Variants in CACNA1C observed in about 807,000 individuals in gnomAD.
The protein encoded by CACNA1C is voltage-dependent L-type calcium channel subunit alpha-1C.
A neutral mutation model predicts 229.0 loss-of-function variants in CACNA1C; 30 were observed. The ratio of observed to expected loss-of-function variants is 0.13; its 90% CI spans 0.10 to 0.18. CACNA1C has a LOEUF of 0.18. Among genes scored for constraint, CACNA1C ranks in the 10% least tolerant of loss-of-function variants. The probability of loss-of-function intolerance (pLI) is 1.00; values close to 1 mark genes in which losing one functional copy is unlikely to be tolerated. For missense variants in CACNA1C, 1,658 were observed against 2,845.0 expected, an observed-to-expected ratio of 0.58 and a Z score of 9.49; for synonymous variants, 1,114 against 1,132.5, an observed-to-expected ratio of 0.98 and a Z score of 0.33.
chr12:2,637,086 C>T (rs976712746), intron 30 of CACNA1C, among the ~76,000 whole-genome samples: 8 of 152,148 alleles, frequency 5.3e-5, no homozygotes, highest in Non-Finnish European at 7.3e-5. Flanking sequence ...GGCAGGAAGG[C>T]GGTTTGGGAG....
intron 3 of CACNA1C, among the ~76,000 whole-genome samples, chr12:2,343,551 T>C (rs1422215357): frequency 6.6e-6 from 1 of 152,190 alleles, no homozygotes; most frequent in Non-Finnish European, 1.5e-5. Context: ...AATTATTTGT[T>C]GTTTATCTGA....
intron 30 of CACNA1C, among the ~76,000 whole-genome samples, chr12:2,637,124 A>G (rs1190632313): frequency 6.6e-6 from 1 of 152,246 alleles, no homozygotes; most frequent in Non-Finnish European, 1.5e-5. Flanking sequence ...GAAGTCAGAA[A>G]ACTGGCAGAT....
At chr12:2,331,440 A>G (rs186950353) in intron 3 of CACNA1C, among the ~76,000 whole-genome samples, 13 of 152,380 alleles carry the variant, frequency 8.5e-5, no homozygotes, top group Admixed American at 7.8e-4. Flanking sequence ...GCTTCTTGCT[A>G]CATCTGGTGC....
chr12:2,300,160 G>A (rs921591189), intron 3 of CACNA1C, among the ~76,000 whole-genome samples: 1 of 152,348 alleles, frequency 6.6e-6, no homozygotes, highest in African/African-American at 2.4e-5. Context: ...GAGAGAGTTG[G>A]AGTAAGATCA....
intron 3 of CACNA1C, among the ~76,000 whole-genome samples, chr12:2,132,664 C>T (rs1336776580): frequency 1.6e-3 from 73 of 45,912 alleles, no homozygotes; most frequent in East Asian, 2.3e-3. Flanking sequence ...CCCACTTGAT[C>T]ATGGTGGATA....
At chr12:2,239,827 G>T (rs111710207) in intron 3 of CACNA1C, among the ~76,000 whole-genome samples, 1,952 of 152,306 alleles carry the variant, frequency 0.013, 47 homozygotes, top group African/African-American at 0.045. Context: ...TCTGCGGGGG[G>T]CGGTGAAGGC....
chr12:2,582,582 G>T (rs74053837), intron 14 of CACNA1C, among the ~76,000 whole-genome samples: 12 of 152,236 alleles, frequency 7.9e-5, no homozygotes, highest in African/African-American at 2.9e-4. Context: ...GAGATCTTTG[G>T]GCCAAAAAGC....
At chr12:2,141,120 C>T (rs1041244088) in intron 3 of CACNA1C, among the ~76,000 whole-genome samples, 2 of 150,862 alleles carry the variant, frequency 1.3e-5, no homozygotes, top group African/African-American at 4.8e-5. Flanking sequence ...GCAGGGCCCA[C>T]TGTGGCTGCT....
intron 9 of CACNA1C, among the ~76,000 whole-genome samples, chr12:2,518,227 C>T (rs1456201072): frequency 6.6e-6 from 1 of 152,122 alleles, no homozygotes; most frequent in Non-Finnish European, 1.5e-5. Context: ...GATAGGGCCC[C>T]ATGTGGCTTG....
At chr12:2,668,430 G>C (rs766560546) in intron 37 of CACNA1C, 3 of 153,458 alleles carry the variant, frequency 2.0e-5, no homozygotes, top group Non-Finnish European at 4.4e-5. Context: ...CACAAGCTGC[G>C]TGTCACCCCC....
chr12:2,398,304 T>C (rs2098623476), intron 3 of CACNA1C, among the ~76,000 whole-genome samples: 1 of 152,262 alleles, frequency 6.6e-6, no homozygotes, highest in Non-Finnish European at 1.5e-5. Context: ...GAAAATTGTA[T>C]TGAGCTTTAC....
At chr12:2,426,056 G>A (rs2099028765) in intron 3 of CACNA1C, among the ~76,000 whole-genome samples, 1 of 152,184 alleles carries the variant, frequency 6.6e-6, no homozygotes, top group Admixed American at 6.5e-5. Context: ...CCTCATGGAA[G>A]AGAATGAGAG....
In CACNA1C at chr12:2,504,081, A is replaced by G. The variant is rs2099766440; in HGVS notation, c.1114-761A>G. On this transcript the variant is annotated intron_variant, in intron 7 of 46. Transcript: ENST00000399655. This position sits in a 1 kb window ranked among gnomAD's most constrained non-coding sequence, Gnocchi z 6.8. ...GGGTGCAACAGAAGGCTTAATGTCCAGGCAAACCCAAGTGAGTTAAACCAT... is the reference window on the plus strand; with the variant it reads ...GGGTGCAACAGAAGGCTTAATGTCCGGGCAAACCCAAGTGAGTTAAACCAT... Among the ~76,000 whole-genome samples the G allele has an allele frequency of 6.6e-6, 1 of 152,254 alleles. No individual in the cohort carries two copies. Among genetic ancestry groups the G allele is most frequent in the South Asian group, 2.1e-4 (1 of 4,830 alleles).
In CACNA1C at chr12:2,664,918, G is replaced by C; in HGVS notation, c.4326G>C (p.Glu1442Asp). Reference sequence around the variant, plus strand: ...AGTCCGAGCCCAGCAACAGCACGGAGGGTGAAACACCCTGTGGTAGCAGCT... The same window carrying C: ...AGTCCGAGCCCAGCAACAGCACGGACGGTGAAACACCCTGTGGTAGCAGCT... ...APESEPSNSTEGETPCGSSFA... is the reference protein window; with the variant it reads ...APESEPSNSTDGETPCGSSFA... Residue 1442 changes from glutamate (E) to aspartate (D), a missense_variant, in exon 35 of 47, where the codon GAG (glutamate) becomes GAC (aspartate). Around this residue, in one of 20 missense-constraint regions of CACNA1C, gnomAD observed 151 missense variants for 344.4 expected, o/e 0.44. Coordinates refer to ENST00000399655, the MANE Select transcript of CACNA1C (RefSeq NM_000719.7). The C allele has an allele frequency of 6.2e-7, 1 of 1,614,044 alleles. No individual in the cohort carries two copies. The highest frequency in any genetic ancestry group is 8.5e-7 in the Non-Finnish European group (1 of 1,179,908).
At chr12:2,492,127 C>G (rs2154571648) in intron 6 of CACNA1C, among the ~76,000 whole-genome samples, 3 of 152,302 alleles carry the variant, frequency 2.0e-5, no homozygotes, top group Admixed American at 2.0e-4. Context: ...TTTGTGAATT[C>G]CACACCGTTA....
intron 9 of CACNA1C, among the ~76,000 whole-genome samples, chr12:2,538,569 T>C (rs1462209281): frequency 2.0e-5 from 3 of 152,194 alleles, no homozygotes; most frequent in African/African-American, 4.8e-5. Flanking sequence ...GTTCAATTTA[T>C]CCATGTAAGA....
rs879924844 is a variant in CACNA1C at position 2,258,423 on chromosome 12, GT to G, written c.477+138003del. The stretch of plus-strand genomic sequence containing the variant: ...TTTTGAAAACTCATTTTTTCCTCAA[GT>G]TTTTTTTTTAAATGTGAAATTTTAA... On this transcript the variant is annotated intron_variant, in intron 3 of 46. Coordinates refer to ENST00000399655, the MANE Select transcript of CACNA1C (RefSeq NM_000719.7). Among the ~76,000 whole-genome samples the G allele has an allele frequency of 2.0e-3, 304 of 149,710 alleles. 1 individual carries two copies. The highest frequency in any genetic ancestry group is 7.1e-3 in the African/African-American group (290 of 40,938).
intron 1 of CACNA1C, among the ~76,000 whole-genome samples, chr12:2,081,398 G>A (rs777176861): frequency 7.2e-5 from 11 of 151,982 alleles, no homozygotes; most frequent in Admixed American, 2.6e-4. Context: ...GTGAAACCCC[G>A]TCTCTACTAA....
intron 1 of CACNA1C, among the ~76,000 whole-genome samples, chr12:2,091,330 T>G (rs1380964800): frequency 6.6e-6 from 1 of 152,258 alleles, no homozygotes; most frequent in African/African-American, 2.4e-5. Flanking sequence ...TTCTTCTTGC[T>G]TCAGTATTAA....
Sources: allele counts gnomAD v4.1 joint callset (sites outside exome capture counted in the v4.1 genomes callset), GRCh38; gene constraint gnomAD v4.1.1; regional missense constraint gnomAD v4.1.1; non-coding constraint Gnocchi (gnomAD v3.1); transcripts MANE v1.5; gene names NCBI Gene and HGNC (gene_info 2026-07-23, HGNC 2026-07-21).